MOB1A: variants seen among roughly 807,000 people sequenced by gnomAD.
MOB1A encodes MOB1 Mps One Binder homolog A.
A neutral mutation model predicts 25.1 loss-of-function variants in MOB1A; 10 were observed. That is an observed-to-expected ratio of 0.40 (90% confidence interval 0.25 to 0.68). MOB1A has a LOEUF of 0.68. MOB1A is among the 30% of genes least tolerant of loss of function. The pLI, the probability that MOB1A is intolerant of heterozygous loss-of-function variation, is 0.40. For missense variants in MOB1A, 177 were observed against 256.3 expected, an observed-to-expected ratio of 0.69 and a Z score of 2.11; for synonymous variants, 81 against 79.5, an observed-to-expected ratio of 1.02 and a Z score of -0.10.
In MOB1A at chr2:74,156,503, G is replaced by C. The variant is rs11540640; in HGVS notation, c.*65C>G. 46 of 1,153,310 alleles carry C rather than the reference G, an allele frequency of 4.0e-5. No homozygotes were observed. The East Asian group carries it at 1.2e-3, about 29-fold the overall frequency. The allele number at this position is 1,153,310 out of a possible 1,614,324, so 71.4% of individuals were successfully genotyped here. ...AAGTTTGTATCACTAGTCTATAACA[G>C]ATAGCAATGAGATAGTTCTAGCAAT... On this transcript the variant is annotated 3_prime_UTR_variant, in exon 6 of 6. Coordinates refer to ENST00000396049, the MANE Select transcript of MOB1A (RefSeq NM_018221.5).
At chr2:74,156,797 CTTTTTCT>C (rs1364059574) in intron 5 of MOB1A, among the ~76,000 whole-genome samples, 152 bp from the exon 6 acceptor site, 1 of 151,640 alleles carries the variant, frequency 6.6e-6, no homozygotes, top group Non-Finnish European at 1.5e-5. Flanking sequence ...GGCATTTATT[CTTTTTCT>C]TTTTTTTTTC....
At chr2:74,175,925 A>G (rs192560403) in intron 1 of MOB1A, among the ~76,000 whole-genome samples, 1 of 152,218 alleles carries the variant, frequency 6.6e-6, no homozygotes, top group East Asian at 1.9e-4. Flanking sequence ...TACCTGAGTA[A>G]TTTGGAATTT....
chr2:74,164,536 A>AG (rs1241993652), intron 4 of MOB1A: 1 of 152,018 alleles, frequency 6.6e-6, no homozygotes, highest in Non-Finnish European at 1.5e-5. Flanking sequence ...AAAAAATAAA[A>AG]AAAGAAAACA....
Position 74,178,811 on chromosome 2 carries a change from G to A in MOB1A, c.-137C>T. 4.4e-6 allele frequency: 2 copies of A among 455,390 alleles called. No homozygotes were observed. The highest frequency in any genetic ancestry group is 6.9e-6 in the Non-Finnish European group (2 of 288,020). 28.2% of individuals were successfully genotyped at this position (455,390 alleles called of 1,614,324 possible). ...CGCCGCCGCTCGGAGCCGGGTTTCTGGCCGCTGCGAGCCTTTGCAAACCTC... is the reference window on the plus strand; with the variant it reads ...CGCCGCCGCTCGGAGCCGGGTTTCTAGCCGCTGCGAGCCTTTGCAAACCTC... On this transcript the variant is annotated 5_prime_UTR_variant, in exon 1 of 6. Coordinates refer to ENST00000396049, the MANE Select transcript of MOB1A (RefSeq NM_018221.5).
intron 1 of MOB1A, among the ~76,000 whole-genome samples, chr2:74,176,863 T>C (rs781353717): frequency 8.5e-5 from 13 of 152,092 alleles, no homozygotes; most frequent in Non-Finnish European, 1.2e-4. Flanking sequence ...TGCAGCACTT[T>C]GAAGTTTGGC....
intron 2 of MOB1A, among the ~76,000 whole-genome samples, chr2:74,172,298 T>A (rs1279863806): frequency 6.6e-6 from 1 of 152,232 alleles, no homozygotes; most frequent in East Asian, 1.9e-4. Context: ...GCATAATCTT[T>A]TCATTTATCA....
Position 74,154,505 on chromosome 2 carries a change from C to A in MOB1A, c.*2063G>T, listed in dbSNP as rs1692748231. On this transcript the variant is annotated 3_prime_UTR_variant, in exon 6 of 6. Coordinates refer to ENST00000396049, the MANE Select transcript of MOB1A (RefSeq NM_018221.5). ...CTTTACTACTGTCCTGACATGTGAT[C>A]GTCTTTCATTTGCTTTGGAGCTTAG... 2 of 151,836 alleles carry A rather than the reference C, an allele frequency of 1.3e-5. No individual in the cohort carries two copies. The highest frequency in any genetic ancestry group is 1.5e-5 in the Non-Finnish European group (1 of 67,994). The allele number at this position is 151,836 out of a possible 1,614,324, so 9.4% of individuals were successfully genotyped here. A position where few individuals can be genotyped will look rare whatever the true frequency, so the allele number is the denominator to read the frequency against.
At chr2:74,173,318 G>T in intron 1 of MOB1A, 1 of 443,714 alleles carries the variant, frequency 2.3e-6, no homozygotes. Context: ...TTTAGTTCTT[G>T]ATCTGACACT....
At chr2:74,177,406 C>G (rs1016014340) in intron 1 of MOB1A, among the ~76,000 whole-genome samples, 5 of 152,084 alleles carry the variant, frequency 3.3e-5, no homozygotes, top group Admixed American at 1.3e-4. Context: ...AGCAACTGTG[C>G]ATTCACTAAT....
chr2:74,159,747 G>A (rs1692906430), intron 4 of MOB1A, among the ~76,000 whole-genome samples: 1 of 152,012 alleles, frequency 6.6e-6, no homozygotes. Flanking sequence ...CTTAGGCACA[G>A]GTATCAAATT....
Position 74,154,317 on chromosome 2 carries a change from G to C in MOB1A, c.*2251C>G, listed in dbSNP as rs953836986. On this transcript the variant is annotated 3_prime_UTR_variant, in exon 6 of 6. Coordinates refer to ENST00000396049, the MANE Select transcript of MOB1A (RefSeq NM_018221.5). ...TTCCTCCAATTCTCCTCCTCCCCTT[G>C]GCTCCCTAGCCTTGGAGGTAAACAC... 1.3e-4 allele frequency: 19 copies of C among 151,960 alleles called. No individual in the cohort carries two copies. The highest frequency in any genetic ancestry group is 4.6e-4 in the African/African-American group (19 of 41,328). The allele number at this position is 151,960 out of a possible 1,614,324, so 9.4% of individuals were successfully genotyped here. A position where few individuals can be genotyped will look rare whatever the true frequency, so the allele number is the denominator to read the frequency against.
rs1342008913 is a variant in MOB1A, at chr2:74,178,824, C to T, written c.-150G>A. ...AGCCGGGTTTCTGGCCGCTGCGAGC[C>T]TTTGCAAACCTCGGCGCCCGCCTTG... On this transcript the variant is annotated 5_prime_UTR_variant, in exon 1 of 6. Coordinates refer to ENST00000396049, the MANE Select transcript of MOB1A (RefSeq NM_018221.5). The T allele has an allele frequency of 1.5e-4, 62 of 417,980 alleles. No individual in the cohort carries two copies. In the East Asian group the frequency reaches 2.6e-3, roughly 17 times the overall value. 25.9% of individuals were successfully genotyped at this position (417,980 alleles called of 1,614,324 possible).
rs371528554 is a variant in MOB1A at position 74,156,528 on chromosome 2, T to G, written c.*40A>C. Reference sequence around the variant, plus strand: ...GATAGCAATGAGATAGTTCTAGCAATAGATGAAGCAAGGGGGTAACTGTGT... The same window carrying G: ...GATAGCAATGAGATAGTTCTAGCAAGAGATGAAGCAAGGGGGTAACTGTGT... On this transcript the variant is annotated 3_prime_UTR_variant, in exon 6 of 6. Coordinates refer to ENST00000396049, the MANE Select transcript of MOB1A (RefSeq NM_018221.5). 25 of 1,365,758 alleles carry G rather than the reference T, an allele frequency of 1.8e-5. No individual in the cohort carries two copies. Among genetic ancestry groups the G allele is most frequent in the African/African-American group, 2.9e-5 (2 of 69,236 alleles). 84.6% of individuals were successfully genotyped at this position (1,365,758 alleles called of 1,614,324 possible).
At chr2:74,164,760 T>C in intron 4 of MOB1A, 1 of 148,782 alleles carries the variant, frequency 6.7e-6, no homozygotes, top group Non-Finnish European at 1.5e-5. Flanking sequence ...AGATGAAAGA[T>C]ATAAACAGAA....
At chr2:74,160,466 C>T (rs1294990083) in intron 4 of MOB1A, among the ~76,000 whole-genome samples, 2 of 152,130 alleles carry the variant, frequency 1.3e-5, no homozygotes, top group Non-Finnish European at 2.9e-5. Flanking sequence ...GGGCAGATCA[C>T]GAGGTCAGGA....
At chr2:74,175,277 A>G (rs898708690) in intron 1 of MOB1A, among the ~76,000 whole-genome samples, 5 of 152,222 alleles carry the variant, frequency 3.3e-5, no homozygotes, top group Non-Finnish European at 7.3e-5. Flanking sequence ...CCCACTGATT[A>G]TACATTATGA....
intron 4 of MOB1A, among the ~76,000 whole-genome samples, chr2:74,163,266 T>A (rs1024084718): frequency 1.3e-5 from 2 of 152,190 alleles, no homozygotes; most frequent in Non-Finnish European, 2.9e-5. Context: ...CACAGTTGTA[T>A]ACTTTAAAAA....
intron 2 of MOB1A, among the ~76,000 whole-genome samples, chr2:74,169,484 G>C (rs190311553): frequency 1.3e-5 from 2 of 152,178 alleles, no homozygotes; most frequent in Admixed American, 1.3e-4. Flanking sequence ...GGGCGACAGG[G>C]CGATACTGTC....
chr2:74,158,180 CAA>C (rs58535875), intron 5 of MOB1A, among the ~76,000 whole-genome samples: 15 of 83,340 alleles, frequency 1.8e-4, no homozygotes, highest in Admixed American at 3.7e-4. Flanking sequence ...ACTCTGTCTC[CAA>C]AAAAAAAAAA....
Sources: gnomAD v4.1 joint callset for allele counts (sites outside exome capture counted in the v4.1 genomes callset) on GRCh38, gnomAD v4.1.1 for gene constraint, MANE v1.5 for transcripts, NCBI Gene and HGNC (gene_info 2026-07-23, HGNC 2026-07-21) for gene names.